PCDHA4: variants seen among roughly 807,000 people sequenced by gnomAD.
PCDHA4 encodes protocadherin alpha 4.
PCDHA4 carries 49 observed loss-of-function variants against 61.4 expected under a neutral mutation model. The ratio of observed to expected loss-of-function variants is 0.80; its 90% CI spans 0.63 to 1.01. PCDHA4 has a LOEUF of 1.01. Ranked by LOEUF, PCDHA4 falls within the 50% of genes least tolerant of loss-of-function variation. The probability of loss-of-function intolerance (pLI) is 0.00; values close to 1 mark genes in which losing one functional copy is unlikely to be tolerated. For synonymous variants in PCDHA4, 590 were observed against 550.3 expected, an observed-to-expected ratio of 1.07 and a Z score of -1.01; for missense variants, 1,254 against 1,235.8, an observed-to-expected ratio of 1.01 and a Z score of -0.22.
chr5:140,870,949 G>A (rs1554164920), intron 1 of PCDHA4: 2 of 1,613,686 alleles, frequency 1.2e-6, no homozygotes, highest in East Asian at 2.2e-5. Context: ...GGCGGCGGGC[G>A]GCTCGCGCAT....
At chr5:141,004,348 C>A (rs1554259549) in intron 3 of PCDHA4, among the ~76,000 whole-genome samples, 1 of 152,216 alleles carries the variant, frequency 6.6e-6, no homozygotes, top group Non-Finnish European at 1.5e-5. Context: ...CTGTGAGGGA[C>A]TGGAGAGACC....
chr5:140,896,929 G>A (rs2065808653), intron 1 of PCDHA4, among the ~76,000 whole-genome samples: 2 of 152,106 alleles, frequency 1.3e-5, no homozygotes, highest in African/African-American at 4.8e-5. Flanking sequence ...ATCACATCAT[G>A]GAAAATGGAA....
chr5:140,883,332 T>A, intron 1 of PCDHA4: 1 of 1,614,174 alleles, frequency 6.2e-7, no homozygotes, highest in East Asian at 2.2e-5. Context: ...ATCACTTCTT[T>A]GTCACTCCCC....
At chr5:140,829,288 C>T (rs1263558047) in intron 1 of PCDHA4, 3 of 1,614,248 alleles carry the variant, frequency 1.9e-6, no homozygotes, top group Non-Finnish European at 1.7e-6. Context: ...AGCTGGTGTC[C>T]ACCTTCAAGA....
At position 141,000,188 on chromosome 5, in the gene PCDHA4, A is replaced by G. The variant is rs182049578; in HGVS notation, c.2534-9439A>G. 8.6e-3 allele frequency among the ~76,000 whole-genome samples: 1,302 copies of G among 151,928 alleles called. 5 individuals carry two copies. Among genetic ancestry groups the G allele is most frequent in the Middle Eastern group, 0.017 (5 of 294 alleles). ...ATTATTGAGCCAAGGAGTCAATGTG[A>G]GAATAGTTTTTCACCTTCATTATCA... is the stretch of plus-strand genomic sequence containing the variant. On this transcript the variant is annotated intron_variant, in intron 3 of 3. Coordinates refer to ENST00000530339, the MANE Select transcript of PCDHA4 (RefSeq NM_018907.4).
At chr5:140,877,443 C>A (rs376417721) in intron 1 of PCDHA4, 2 of 1,613,726 alleles carry the variant, frequency 1.2e-6, no homozygotes, top group African/African-American at 2.7e-5. Flanking sequence ...ACGGTGAGCC[C>A]GCGCTGACGT....
chr5:140,891,767 A>C (rs1350557618), intron 1 of PCDHA4, among the ~76,000 whole-genome samples: 2 of 152,156 alleles, frequency 1.3e-5, no homozygotes, highest in African/African-American at 2.4e-5. Context: ...GAGGTGGGGA[A>C]TTTCAGGAAA....
At chr5:140,858,322 T>C in intron 1 of PCDHA4, 2 of 1,596,852 alleles carry the variant, frequency 1.3e-6, no homozygotes, top group South Asian at 2.2e-5. Flanking sequence ...GGGTGTGTTC[T>C]GGGGAGGGCC....
intron 1 of PCDHA4, 87 bp downstream of exon 1, chr5:140,809,659 C>G: frequency 6.7e-7 from 1 of 1,484,776 alleles, no homozygotes; most frequent in Non-Finnish European, 9.0e-7. Flanking sequence ...AGTCAAATTT[C>G]CCTGGGTTAA....
intron 1 of PCDHA4, chr5:140,850,196 A>T: frequency 6.3e-7 from 1 of 1,592,830 alleles, no homozygotes; most frequent in Non-Finnish European, 8.6e-7. Flanking sequence ...CGCTGCTGAC[A>T]CCTCGGATGA....
chr5:140,869,199 C>T, intron 1 of PCDHA4: 1 of 1,614,024 alleles, frequency 6.2e-7, no homozygotes, highest in Non-Finnish European at 8.5e-7. Context: ...GCCAGCTCCA[C>T]TACTCCGTCT....
At chr5:140,824,259 T>A in intron 1 of PCDHA4, 2 of 1,319,982 alleles carry the variant, frequency 1.5e-6, no homozygotes, top group South Asian at 2.6e-5. Flanking sequence ...ATTATTGCAC[T>A]AATTCATGTA....
chr5:140,849,973 C>G, intron 1 of PCDHA4: 1 of 1,597,728 alleles, frequency 6.3e-7, no homozygotes, highest in Non-Finnish European at 8.6e-7. Context: ...GTGTCCTACT[C>G]GCTGGTGGAG....
intron 3 of PCDHA4, among the ~76,000 whole-genome samples, chr5:140,991,017 C>G (rs1440489095): frequency 6.6e-6 from 1 of 152,178 alleles, no homozygotes; most frequent in Non-Finnish European, 1.5e-5. Context: ...GTGATAAGCA[C>G]TTTACATATG....
chr5:140,822,939 A>G (rs2150120550), intron 1 of PCDHA4: 1 of 1,614,182 alleles, frequency 6.2e-7, no homozygotes, highest in Non-Finnish European at 8.5e-7. Flanking sequence ...CCTGCTCCCT[A>G]ATGCCCCACG....
intron 1 of PCDHA4, chr5:140,876,601 C>G: frequency 6.2e-7 from 1 of 1,614,152 alleles, no homozygotes; most frequent in Non-Finnish European, 8.5e-7. Context: ...CGTGTCGGAT[C>G]GTGACTCTGG....
intron 1 of PCDHA4, among the ~76,000 whole-genome samples, chr5:140,932,539 AT>A (rs782246299): frequency 3.3e-5 from 5 of 152,008 alleles, no homozygotes; most frequent in Admixed American, 2.0e-4. Context: ...AAGGTGCTTT[AT>A]TTAACATACA....
Position 141,011,486 on chromosome 5 carries a change from T to C in PCDHA4, c.*1549T>C, listed in dbSNP as rs887081256. ...GAATGTAATTCCATTATATTTCCTT[T>C]TGTACACCTGTGAAAAAGTGGAGTA... is the stretch of plus-strand genomic sequence containing the variant. On this transcript the variant is annotated 3_prime_UTR_variant, in exon 4 of 4. Coordinates refer to ENST00000530339, the MANE Select transcript of PCDHA4 (RefSeq NM_018907.4). 15 of 153,928 alleles carry C rather than the reference T, an allele frequency of 9.7e-5. No homozygotes were observed. Among genetic ancestry groups the C allele is most frequent in the African/African-American group, 2.9e-4 (12 of 41,596 alleles). The allele number at this position is 153,928 out of a possible 1,614,324, so 9.5% of individuals were successfully genotyped here.
chr5:140,996,172 C>G (rs1694773459), intron 3 of PCDHA4, among the ~76,000 whole-genome samples: 1 of 152,210 alleles, frequency 6.6e-6, no homozygotes, highest in African/African-American at 2.4e-5. Flanking sequence ...AATGTGCTGA[C>G]AGCACCTCCA....
Sources: gnomAD v4.1 joint callset for allele counts (sites outside exome capture counted in the v4.1 genomes callset) on GRCh38, gnomAD v4.1.1 for gene constraint, MANE v1.5 for transcripts, NCBI Gene and HGNC (gene_info 2026-07-23, HGNC 2026-07-21) for gene names.